The following SHROOM3 variants were observed in gnomAD, a reference collection of about 807,000 sequenced individuals.
SHROOM3 encodes shroom family member 3.
In SHROOM3, 47 loss-of-function variants were observed where a neutral mutation model predicts 138.6. The observed-to-expected ratio is 0.34, with a 90% CI of 0.27 to 0.43. The LOEUF (loss-of-function observed/expected upper bound fraction) is 0.43, where lower values mean the gene tolerates loss of function less well. SHROOM3 is among the 20% of genes least tolerant of loss of function. The pLI, the probability that SHROOM3 is intolerant of heterozygous loss-of-function variation, is 1.00. For synonymous variants in SHROOM3, 1,062 were observed against 1,063.3 expected (o/e 1.00, Z 0.02); for missense variants, 2,491 against 2,596.5 (o/e 0.96, Z 0.88).
At chr4:76,546,504 G>A (rs1733222875) in intron 1 of SHROOM3, among the ~76,000 whole-genome samples, 2 of 152,190 alleles carry the variant, frequency 1.3e-5, no homozygotes, top group African/African-American at 4.8e-5. Context: ...GATCCTGGGA[G>A]GAACTTTTTG....
At chr4:76,505,368 CAT>C (rs1484209672) in intron 1 of SHROOM3, among the ~76,000 whole-genome samples, 3 of 152,250 alleles carry the variant, frequency 2.0e-5, no homozygotes, top group Admixed American at 2.0e-4. Context: ...TGAATTTTAT[CAT>C]ATGTTTTTTC....
At position 76,741,738 on chromosome 4, in the gene SHROOM3, C is replaced by G. The variant is rs1414602998; in HGVS notation, c.3565C>G (p.Leu1189Val). ...RLGERRRGDL[L>V]SGANGGTRGT... ...CGGGGAACGGCGACGCGGGGACCTGCTTAGCGGAGCAAACGGTGGAACAAG... is the reference window on the plus strand; with the variant it reads ...CGGGGAACGGCGACGCGGGGACCTGGTTAGCGGAGCAAACGGTGGAACAAG... Residue 1189 changes from leucine (L) to valine (V), a missense_variant, in exon 5 of 11, where the codon CTT (leucine) becomes GTT (valine). This residue lies in a region of SHROOM3 where 1,733 missense variants were observed against 1,661.6 expected (regional missense o/e 1.04). Transcript: ENST00000296043. The surrounding 1 kb of genome is among the most constrained non-coding windows in gnomAD (Gnocchi z 6.2). 5 of 1,560,666 alleles carry G rather than the reference C, an allele frequency of 3.2e-6. No individual in the cohort carries two copies. In the African/African-American group the frequency reaches 5.4e-5, roughly 17 times the overall value.
intron 1 of SHROOM3, among the ~76,000 whole-genome samples, chr4:76,549,978 T>C (rs1022932886): frequency 6.6e-6 from 1 of 152,232 alleles, no homozygotes; most frequent in South Asian, 2.1e-4. Context: ...CCAAGCAAAC[T>C]TCCCAGGGCT....
chr4:76,490,976 C>G (rs1334523309), intron 1 of SHROOM3, among the ~76,000 whole-genome samples: 1 of 152,140 alleles, frequency 6.6e-6, no homozygotes, highest in Non-Finnish European at 1.5e-5. Context: ...GGAATATCTT[C>G]TGGGGTTAAC....
rs529262648 is a variant in SHROOM3, at chr4:76,461,275, A to G, written c.168+25055A>G. Among the ~76,000 whole-genome samples the G allele has an allele frequency of 3.9e-5, 6 of 152,326 alleles. No individual in the cohort carries two copies. The South Asian group carries it at 1.2e-3, about 32-fold the overall frequency. ...GTATCATACAAAAGAGTCAAAGGCA[A>G]TTGTGAGTCTAGTAGTAAAATTTAT... On this transcript the variant is annotated intron_variant, in intron 1 of 10. Coordinates refer to ENST00000296043, the MANE Select transcript of SHROOM3 (RefSeq NM_020859.4).
intron 2 of SHROOM3, among the ~76,000 whole-genome samples, chr4:76,591,717 T>A (rs2110049330): frequency 6.8e-6 from 1 of 146,416 alleles, no homozygotes; most frequent in Non-Finnish European, 1.5e-5. Context: ...GATATGTACT[T>A]CAAGTTTTGT....
At chr4:76,707,203 T>G (rs187326648) in intron 2 of SHROOM3, among the ~76,000 whole-genome samples, 16 of 152,336 alleles carry the variant, frequency 1.1e-4, no homozygotes, top group Non-Finnish European at 1.8e-4. Flanking sequence ...AAATCTGGGT[T>G]AGTAATTGTA....
At chr4:76,763,798 A>G (rs1722063798) in intron 9 of SHROOM3, among the ~76,000 whole-genome samples, 1 of 152,218 alleles carries the variant, frequency 6.6e-6, no homozygotes, top group Admixed American at 6.5e-5. Context: ...CATTGGTATC[A>G]CTTACATTTA....
chr4:76,668,054 C>T (rs1718762143), intron 2 of SHROOM3, among the ~76,000 whole-genome samples: 1 of 151,594 alleles, frequency 6.6e-6, no homozygotes, highest in Non-Finnish European at 1.5e-5. Context: ...CCCCCTCTCC[C>T]TTGTCCACCG....
intron 1 of SHROOM3, 115 bp from the exon 2 acceptor site, chr4:76,555,494 G>A: frequency 1.4e-6 from 2 of 1,463,868 alleles, no homozygotes; most frequent in South Asian, 2.4e-5. Flanking sequence ...CTGGGGTGTG[G>A]CCCTAGCTGG....
chr4:76,701,597 C>A (rs995446092), intron 2 of SHROOM3, among the ~76,000 whole-genome samples: 3 of 152,128 alleles, frequency 2.0e-5, no homozygotes, highest in Non-Finnish European at 2.9e-5. Context: ...AATAATGGTT[C>A]GCTGTAGAGA....
intron 8 of SHROOM3, 65 bp downstream of exon 8, chr4:76,757,002 A>G: frequency 6.2e-7 from 1 of 1,611,140 alleles, no homozygotes; most frequent in East Asian, 2.2e-5. Flanking sequence ...GATGATGATA[A>G]GTCTAGGACT....
chr4:76,681,037 G>A (rs1291168859), intron 2 of SHROOM3, among the ~76,000 whole-genome samples: 1 of 152,168 alleles, frequency 6.6e-6, no homozygotes, highest in African/African-American at 2.4e-5. Context: ...ACAAAATAAA[G>A]TACAGATCTT....
At chr4:76,582,889 G>T (rs1025905966) in intron 2 of SHROOM3, among the ~76,000 whole-genome samples, 17 of 152,186 alleles carry the variant, frequency 1.1e-4, no homozygotes, top group Non-Finnish European at 2.1e-4. Context: ...CCAGTGTGCA[G>T]CGGGGTCCAC....
At chr4:76,773,246 T>C (rs947908445) in intron 10 of SHROOM3, among the ~76,000 whole-genome samples, 3 of 151,076 alleles carry the variant, frequency 2.0e-5, no homozygotes, top group South Asian at 2.1e-4. Context: ...GTGTGGCGGG[T>C]GCCTGTAATC....
At chr4:76,575,962 C>T (rs962324393) in intron 2 of SHROOM3, among the ~76,000 whole-genome samples, 2 of 152,220 alleles carry the variant, frequency 1.3e-5, no homozygotes. Flanking sequence ...CATCCCACCC[C>T]CGTTAAAATG....
intron 2 of SHROOM3, among the ~76,000 whole-genome samples, chr4:76,662,943 G>T (rs1277710275): frequency 2.0e-5 from 3 of 151,614 alleles, no homozygotes. Flanking sequence ...GAGGGAGGGA[G>T]AGAGGGAGAG....
At chr4:76,486,076 C>A (rs996946925) in intron 1 of SHROOM3, among the ~76,000 whole-genome samples, 30 of 151,954 alleles carry the variant, frequency 2.0e-4, no homozygotes, top group Non-Finnish European at 4.3e-4. Flanking sequence ...TTCTGAGGTA[C>A]AGAAAAAAAT....
intron 4 of SHROOM3, among the ~76,000 whole-genome samples, chr4:76,738,514 A>G (rs1425761222): frequency 6.6e-6 from 1 of 152,156 alleles, no homozygotes; most frequent in African/African-American, 2.4e-5. Flanking sequence ...GCTTCCTCTG[A>G]GCTCCTCATT....
Sources: allele counts gnomAD v4.1 joint callset (sites outside exome capture counted in the v4.1 genomes callset), GRCh38; gene constraint gnomAD v4.1.1; regional missense constraint gnomAD v4.1.1; non-coding constraint Gnocchi (gnomAD v3.1); transcripts MANE v1.5; gene names NCBI Gene and HGNC (gene_info 2026-07-23, HGNC 2026-07-21).